PDE4D: variants seen among roughly 807,000 people sequenced by gnomAD.
The protein encoded by PDE4D is 3',5'-cyclic-AMP phosphodiesterase 4D.
A neutral mutation model predicts 87.4 loss-of-function variants in PDE4D; 24 were observed. The ratio of observed to expected loss-of-function variants is 0.27; its 90% confidence interval spans 0.20 to 0.39. The LOEUF is 0.39. Among genes scored for constraint, PDE4D ranks in the 10% least tolerant of loss-of-function variants. The probability of loss-of-function intolerance (pLI) is 1.00; values close to 1 mark genes in which losing one functional copy is unlikely to be tolerated. For missense variants in PDE4D, 714 were observed against 1,041.0 expected, an observed-to-expected ratio of 0.69 and a Z score of 4.32; for synonymous variants, 384 against 383.2, an observed-to-expected ratio of 1.00 and a Z score of -0.02.
chr5:60,116,837 A>G (rs1342157117), intron 2 of PDE4D, among the ~76,000 whole-genome samples: 1 of 152,122 alleles, frequency 6.6e-6, no homozygotes, highest in East Asian at 1.9e-4. Context: ...TATCATGTTA[A>G]TAAGTATAGC....
chr5:59,081,526 A>AAAAAAAAAG (rs1314724440), intron 5 of PDE4D, among the ~76,000 whole-genome samples: 5 of 151,288 alleles, frequency 3.3e-5, no homozygotes, highest in East Asian at 1.9e-4. Flanking sequence ...GGTAAAAAAA[A>AAAAAAAAAG]AAAAGAAAAA....
At chr5:59,158,003 G>C (rs1461909273) in intron 5 of PDE4D, among the ~76,000 whole-genome samples, 1 of 152,244 alleles carries the variant, frequency 6.6e-6, no homozygotes. Context: ...TCTCCATTGG[G>C]CTCTTCTAAC....
intron 1 of PDE4D, among the ~76,000 whole-genome samples, chr5:60,191,008 A>G (rs1347462764): frequency 6.6e-6 from 1 of 152,002 alleles, no homozygotes; most frequent in African/African-American, 2.4e-5. Context: ...AGACACATCC[A>G]TTTCTACCTC....
chr5:60,511,223 G>C (rs1750559173), intron 1 of PDE4D, among the ~76,000 whole-genome samples: 1 of 152,048 alleles, frequency 6.6e-6, no homozygotes, highest in African/African-American at 2.4e-5. Flanking sequence ...TCCCACCTTG[G>C]CCTCCCAAAG....
intron 1 of PDE4D, among the ~76,000 whole-genome samples, chr5:60,307,799 A>G (rs1332382525): frequency 1.3e-5 from 2 of 152,246 alleles, no homozygotes; most frequent in East Asian, 1.9e-4. Context: ...CTTAAAATTA[A>G]CCAAAATATT....
intron 2 of PDE4D, among the ~76,000 whole-genome samples, chr5:60,028,830 A>G (rs1766930066): frequency 6.6e-6 from 1 of 152,084 alleles, no homozygotes; most frequent in South Asian, 2.1e-4. Context: ...ATACATATTG[A>G]TTTGCTGAAT....
chr5:60,015,841 T>C (rs1460022283), intron 2 of PDE4D, among the ~76,000 whole-genome samples: 1 of 151,880 alleles, frequency 6.6e-6, no homozygotes, highest in African/African-American at 2.4e-5. Flanking sequence ...TGCTGGACCA[T>C]CCTGCACGTT....
intron 1 of PDE4D, among the ~76,000 whole-genome samples, chr5:59,313,697 T>C (rs1773132073): frequency 6.6e-6 from 1 of 152,134 alleles, no homozygotes; most frequent in Non-Finnish European, 1.5e-5. Flanking sequence ...GAGAATTTCA[T>C]ACCTAGAACC....
intron 1 of PDE4D, among the ~76,000 whole-genome samples, chr5:59,705,372 C>G (rs981383929): frequency 6.6e-6 from 1 of 152,082 alleles, no homozygotes; most frequent in Non-Finnish European, 1.5e-5. Flanking sequence ...GACACAAACC[C>G]AGCAGGAAGG....
At chr5:59,586,380 G>A (rs774490946) in intron 1 of PDE4D, 51 of 1,611,372 alleles carry the variant, frequency 3.2e-5, no homozygotes, top group African/African-American at 8.0e-5. Flanking sequence ...CATCATGTTC[G>A]CAGATCTTCT....
At chr5:59,773,137 T>C (rs2152610204) in intron 1 of PDE4D, among the ~76,000 whole-genome samples, 1 of 152,332 alleles carries the variant, frequency 6.6e-6, no homozygotes, top group African/African-American at 2.4e-5. Context: ...TTAGTAGATA[T>C]CAATTATGTA....
chr5:59,608,767 C>A (rs910286629), intron 1 of PDE4D, among the ~76,000 whole-genome samples: 1 of 152,138 alleles, frequency 6.6e-6, no homozygotes, highest in African/African-American at 2.4e-5. Flanking sequence ...GAGTCCCCCT[C>A]CCACTCTATC....
At chr5:59,645,114 T>G (rs1171467653) in intron 1 of PDE4D, among the ~76,000 whole-genome samples, 1 of 152,216 alleles carries the variant, frequency 6.6e-6, no homozygotes, top group East Asian at 1.9e-4. Flanking sequence ...GAAATGGTGC[T>G]GAACTCTAGG....
intron 1 of PDE4D, among the ~76,000 whole-genome samples, chr5:59,883,856 A>T (rs1476000803): frequency 2.6e-5 from 4 of 152,022 alleles, no homozygotes; most frequent in Admixed American, 2.6e-4. Context: ...TTTTCATGCC[A>T]TTTTCTCTTC....
chr5:59,770,433 C>T (rs77039548), intron 1 of PDE4D, among the ~76,000 whole-genome samples: 2,504 of 151,680 alleles, frequency 0.017, 69 homozygotes, highest in African/African-American at 0.058. Flanking sequence ...AAATGAAATG[C>T]GTATATGATG....
At chr5:59,611,470 C>G (rs918841877) in intron 1 of PDE4D, among the ~76,000 whole-genome samples, 1 of 152,062 alleles carries the variant, frequency 6.6e-6, no homozygotes, top group Admixed American at 6.6e-5. Flanking sequence ...CCCTAGCACC[C>G]TTGTATTTCC....
At chr5:60,143,095 G>T (rs999832677) in intron 2 of PDE4D, among the ~76,000 whole-genome samples, 3 of 152,178 alleles carry the variant, frequency 2.0e-5, no homozygotes, top group African/African-American at 7.2e-5. Flanking sequence ...ACGGTAGCTG[G>T]GAGTGAATAA....
Position 59,133,983 on chromosome 5 carries a change from TTTG to T in PDE4D, c.808+46609_808+46611del, listed in dbSNP as rs71604780. On this transcript the variant is annotated intron_variant, in intron 5 of 14. Transcript: ENST00000340635. ...TGTCCCTTGTAACTTAGCAACTAGTTTTGTTGTTGTTGTTGTTGTTGTTGTTGT... is the reference window on the plus strand; with the variant it reads ...TGTCCCTTGTAACTTAGCAACTAGTTTTGTTGTTGTTGTTGTTGTTGTTGT... 1.9e-3 allele frequency among the ~76,000 whole-genome samples: 278 copies of T among 147,734 alleles called. 2 individuals carry two copies. Among genetic ancestry groups the T allele is most frequent in the African/African-American group, 4.1e-3 (164 of 39,592 alleles).
At chr5:60,014,929 G>A (rs1020055388) in intron 2 of PDE4D, among the ~76,000 whole-genome samples, 11 of 152,172 alleles carry the variant, frequency 7.2e-5, no homozygotes, top group Admixed American at 2.6e-4. Flanking sequence ...CACATCCAGA[G>A]AACAGGATCC....
Sources: gnomAD v4.1 joint callset for allele counts (sites outside exome capture counted in the v4.1 genomes callset) on GRCh38, gnomAD v4.1.1 for gene constraint, MANE v1.5 for transcripts, NCBI Gene and HGNC (gene_info 2026-07-23, HGNC 2026-07-21) for gene names.